Variants in ST6GAL2 observed in about 807,000 individuals in gnomAD.
The protein encoded by ST6GAL2 is ST6 beta-galactoside alpha-2,6-sialyltransferase 2, also known as beta-galactoside alpha-2,6-sialyltransferase 2.
In ST6GAL2, 24 loss-of-function variants were observed where a neutral mutation model predicts 37.5. That is an observed-to-expected ratio of 0.64 (90% CI 0.46 to 0.90). ST6GAL2 has a LOEUF of 0.90. Among genes scored for constraint, ST6GAL2 ranks in the 40% least tolerant of loss-of-function variants. The probability of loss-of-function intolerance (pLI) is 0.00; values close to 1 mark genes in which losing one functional copy is unlikely to be tolerated. For synonymous variants in ST6GAL2, 306 were observed against 295.1 expected, an observed-to-expected ratio of 1.04 and a Z score of -0.38; for missense variants, 715 against 712.7, an observed-to-expected ratio of 1.00 and a Z score of -0.04.
At chr2:106,852,187 CG>C (rs1360015045) in intron 1 of ST6GAL2, among the ~76,000 whole-genome samples, 4 of 152,212 alleles carry the variant, frequency 2.6e-5, no homozygotes, top group Non-Finnish European at 4.4e-5. Flanking sequence ...AGAAAAAGGT[CG>C]GCCAGGTCAG....
At chr2:106,884,259 C>T (rs1678870068) in intron 1 of ST6GAL2, among the ~76,000 whole-genome samples, 1 of 152,196 alleles carries the variant, frequency 6.6e-6, no homozygotes, top group South Asian at 2.1e-4. Context: ...CAGAGTAAAC[C>T]TTTTCCCTCT....
Position 106,843,063 on chromosome 2 carries a change from G to C in ST6GAL2, c.915C>G (p.Ile305Met). 1 of 1,476,166 alleles carries C rather than the reference G, an allele frequency of 6.8e-7. No individual in the cohort carries two copies. Among genetic ancestry groups the C allele is most frequent in the East Asian group, 2.5e-5 (1 of 39,892 alleles). 91.4% of individuals were successfully genotyped at this position (1,476,166 alleles called of 1,614,324 possible). A position where few individuals can be genotyped will look rare whatever the true frequency, so the allele number is the denominator to read the frequency against. ...SCAVVMSAGA[I>M]LNSSLGEEID... ...TTTCCTCGCCCAAGGAAGAGTTGAGGATTGCGCCTGCAGACATGACGACAG... is the reference window on the plus strand; with the variant it reads ...TTTCCTCGCCCAAGGAAGAGTTGAGCATTGCGCCTGCAGACATGACGACAG... Residue 305 changes from isoleucine (I) to methionine (M), a missense_variant, in exon 2 of 6, where the codon ATC (isoleucine) becomes ATG (methionine). Ile to Met is a conservative substitution (Grantham distance 10). Transcript: ENST00000409382.
intron 2 of ST6GAL2, among the ~76,000 whole-genome samples, chr2:106,838,361 T>G (rs1676732868): frequency 6.6e-6 from 1 of 152,114 alleles, no homozygotes; most frequent in African/African-American, 2.4e-5. Context: ...TCTCCTACAC[T>G]GATGAGAAAA....
At chr2:106,883,461 A>C (rs563707790) in intron 1 of ST6GAL2, among the ~76,000 whole-genome samples, 1 of 152,314 alleles carries the variant, frequency 6.6e-6, no homozygotes, top group East Asian at 1.9e-4. Context: ...AAATTGGTGT[A>C]AGAACATTGA....
chr2:106,826,744 T>C (rs1301541628), intron 5 of ST6GAL2, among the ~76,000 whole-genome samples: 1 of 152,050 alleles, frequency 6.6e-6, no homozygotes, highest in Non-Finnish European at 1.5e-5. Flanking sequence ...ATATAAGTAA[T>C]GGCATGGGAG....
chr2:106,868,529 C>T (rs1239528816), intron 1 of ST6GAL2, among the ~76,000 whole-genome samples: 1 of 152,150 alleles, frequency 6.6e-6, no homozygotes, highest in Non-Finnish European at 1.5e-5. Context: ...CCATAATAAA[C>T]TAAATATCTG....
At chr2:106,866,572 A>G (rs1678033045) in intron 1 of ST6GAL2, among the ~76,000 whole-genome samples, 1 of 152,230 alleles carries the variant, frequency 6.6e-6, no homozygotes. Flanking sequence ...CACAGCTCCC[A>G]GAGGCCATGC....
chr2:106,823,542 A>G (rs988012267), intron 5 of ST6GAL2, among the ~76,000 whole-genome samples: 6 of 151,352 alleles, frequency 4.0e-5, no homozygotes, highest in African/African-American at 9.7e-5. Flanking sequence ...TCCTAATCCA[A>G]TAAGGCAAGA....
chr2:106,810,072 T>C (rs1042933569), intron 5 of ST6GAL2, among the ~76,000 whole-genome samples: 3 of 152,204 alleles, frequency 2.0e-5, no homozygotes, highest in African/African-American at 7.2e-5. Context: ...CAAGTAACTC[T>C]GGGGAGCTTC....
chr2:106,841,459 C>T (rs1300283937), intron 2 of ST6GAL2, among the ~76,000 whole-genome samples: 2 of 152,222 alleles, frequency 1.3e-5, no homozygotes, highest in Non-Finnish European at 2.9e-5. Context: ...CTGTATTTGA[C>T]TCACATTTGT....
At chr2:106,872,842 T>C (rs973248371) in intron 1 of ST6GAL2, among the ~76,000 whole-genome samples, 15 of 152,198 alleles carry the variant, frequency 9.9e-5, no homozygotes, top group Non-Finnish European at 1.6e-4. Flanking sequence ...TCCTGTGAAG[T>C]TCTATTTAAT....
intron 1 of ST6GAL2, among the ~76,000 whole-genome samples, chr2:106,884,952 T>G (rs1334584603): frequency 9.0e-6 from 1 of 111,670 alleles, no homozygotes. Context: ...CACACACACA[T>G]ATATACATAT....
chr2:106,811,446 T>A (rs999278586), intron 5 of ST6GAL2, among the ~76,000 whole-genome samples: 6 of 152,162 alleles, frequency 3.9e-5, no homozygotes, highest in African/African-American at 1.4e-4. Context: ...AAGTGCTGTT[T>A]GAGGCCTCCT....
At chr2:106,835,778 C>T (rs1281429624) in intron 2 of ST6GAL2, among the ~76,000 whole-genome samples, 3 of 152,160 alleles carry the variant, frequency 2.0e-5, no homozygotes, top group Non-Finnish European at 4.4e-5. Context: ...AAAAAGTCTG[C>T]CAATCTCTAG....
chr2:106,873,588 CTAAT>C (rs1678373714), intron 1 of ST6GAL2, among the ~76,000 whole-genome samples: 1 of 152,192 alleles, frequency 6.6e-6, no homozygotes, highest in South Asian at 2.1e-4. Context: ...AATATATTTA[CTAAT>C]TATTTACTGA....
chr2:106,833,336 G>T (rs1018684563), intron 3 of ST6GAL2, among the ~76,000 whole-genome samples: 4 of 152,148 alleles, frequency 2.6e-5, no homozygotes, highest in Admixed American at 1.3e-4. Context: ...ATGAATGGCA[G>T]ATTTTACAGT....
At chr2:106,824,484 T>C (rs541834846) in intron 5 of ST6GAL2, among the ~76,000 whole-genome samples, 2 of 152,066 alleles carry the variant, frequency 1.3e-5, no homozygotes, top group East Asian at 3.9e-4. Flanking sequence ...TACAAAAAAT[T>C]AGCTGGGCAC....
intron 5 of ST6GAL2, among the ~76,000 whole-genome samples, chr2:106,818,366 CA>C (rs1453964041): frequency 6.6e-6 from 1 of 152,140 alleles, no homozygotes; most frequent in African/African-American, 2.4e-5. Flanking sequence ...GGCAGCTCAG[CA>C]CAGAGGGAAA....
At chr2:106,861,656 G>GTCTC (rs1161993426) in intron 1 of ST6GAL2, among the ~76,000 whole-genome samples, 2 of 150,632 alleles carry the variant, frequency 1.3e-5, no homozygotes, top group East Asian at 3.9e-4. Flanking sequence ...TTGAGACAGG[G>GTCTC]TCTCACTCTG....
Sources: gnomAD v4.1 joint callset for allele counts (sites outside exome capture counted in the v4.1 genomes callset) on GRCh38, gnomAD v4.1.1 for gene constraint, MANE v1.5 for transcripts, NCBI Gene and HGNC (gene_info 2026-07-23, HGNC 2026-07-21) for gene names.